Variants in GATB observed in about 807,000 individuals in gnomAD.
The protein encoded by GATB is glutamyl-tRNA(Gln) amidotransferase subunit B, mitochondrial.
GATB carries 39 observed loss-of-function variants against 62.3 expected under a neutral mutation model. The observed-to-expected ratio is 0.63, with a 90% CI of 0.48 to 0.82. GATB has a LOEUF of 0.82. Ranked by LOEUF, GATB falls within the 40% of genes least tolerant of loss-of-function variation. The probability of loss-of-function intolerance (pLI) is 0.00; values close to 1 mark genes in which losing one functional copy is unlikely to be tolerated. For missense variants in GATB, 670 were observed against 684.0 expected (o/e 0.98, Z 0.23); for synonymous variants, 276 against 258.9 (o/e 1.07, Z -0.63).
At chr4:151,692,595 C>T (rs552238191) in intron 9 of GATB, among the ~76,000 whole-genome samples, 1 of 152,276 alleles carries the variant, frequency 6.6e-6, no homozygotes, top group Non-Finnish European at 1.5e-5. Flanking sequence ...GGAAGGAAGA[C>T]AGCTGCACGC....
chr4:151,760,075 C>A (rs1373535414), intron 1 of GATB, among the ~76,000 whole-genome samples: 1 of 152,224 alleles, frequency 6.6e-6, no homozygotes, highest in Non-Finnish European at 1.5e-5. Context: ...CTGAATACTT[C>A]TTTCTGGACA....
intron 9 of GATB, chr4:151,691,605 C>G (rs1039163012): frequency 3.3e-5 from 5 of 152,218 alleles, no homozygotes; most frequent in African/African-American, 1.2e-4. Context: ...CTCAGTCTAC[C>G]CTGCACTAGG....
intron 5 of GATB, 87 bp from the exon 6 acceptor site, chr4:151,708,188 T>G: frequency 5.9e-6 from 5 of 851,238 alleles, no homozygotes; most frequent in South Asian, 4.6e-5. Flanking sequence ...GGAAGCAGCA[T>G]CTAACTCTAC....
chr4:151,740,207 T>C (rs1324316624), intron 2 of GATB, among the ~76,000 whole-genome samples: 1 of 152,208 alleles, frequency 6.6e-6, no homozygotes, highest in Non-Finnish European at 1.5e-5. Flanking sequence ...AACTACACAA[T>C]ATCTTCCTAG....
chr4:151,671,321 C>T lies in GATB; in HGVS notation c.1546-19G>A. On this transcript the variant is annotated intron_variant, in intron 12 of 12. Transcript: ENST00000263985. ...CCATTACCTAGAAGGACAGAAATTA[C>T]TTACTTAAGAGGAGAAAATGAAGGG... is the stretch of plus-strand genomic sequence containing the variant. The T allele has an allele frequency of 6.2e-7, 1 of 1,611,318 alleles. No homozygotes were observed. The highest frequency in any genetic ancestry group is 8.5e-7 in the Non-Finnish European group (1 of 1,177,946).
intron 8 of GATB, among the ~76,000 whole-genome samples, chr4:151,702,151 C>T (rs142315605): frequency 6.6e-6 from 1 of 152,286 alleles, no homozygotes; most frequent in East Asian, 1.9e-4. Flanking sequence ...ACTATGTCTT[C>T]ATAAAGACAC....
At position 151,707,982 on chromosome 4, in the gene GATB, A is replaced by G. The variant is rs374592753; in HGVS notation, c.877+6T>C. 3.2e-6 allele frequency: 5 copies of G among 1,583,830 alleles called. No individual in the cohort carries two copies. In the East Asian group the frequency reaches 1.1e-4, roughly 35 times the overall value. On this transcript the variant is annotated splice_donor_region_variant and intron_variant, in intron 6 of 12. Transcript: ENST00000263985. ...AAGGACACTAGGAGCGGCAGCTGGCATTCACCTATGGCTTTGGCCAGGAAC... is the reference window on the plus strand; with the variant it reads ...AAGGACACTAGGAGCGGCAGCTGGCGTTCACCTATGGCTTTGGCCAGGAAC...
chr4:151,682,244 G>T (rs1738154885), intron 10 of GATB, among the ~76,000 whole-genome samples: 1 of 152,084 alleles, frequency 6.6e-6, no homozygotes, highest in Non-Finnish European at 1.5e-5. Flanking sequence ...TTGTGTCACA[G>T]GCTTCCTCAC....
chr4:151,671,801 C>T (rs6535810), intron 12 of GATB, among the ~76,000 whole-genome samples: 90,203 of 151,952 alleles, frequency 0.59, 29,196 homozygotes, highest in African/African-American at 0.87. Context: ...AGCGCTGGGT[C>T]GGGGGGAGTG....
chr4:151,679,933 T>C, intron 10 of GATB, 42 bp from the exon 11 acceptor site: 1 of 1,556,568 alleles, frequency 6.4e-7, no homozygotes. Context: ...CATTGCACAC[T>C]GTCAGGGCAT....
At chr4:151,752,752 G>GT (rs1739745112) in intron 2 of GATB, among the ~76,000 whole-genome samples, 1 of 152,006 alleles carries the variant, frequency 6.6e-6, no homozygotes, top group African/African-American at 2.4e-5. Context: ...ATTTCCTTTA[G>GT]TTTTCTTTTT....
chr4:151,758,719 C>T, intron 2 of GATB, 53 bp downstream of exon 2: 4 of 1,329,754 alleles, frequency 3.0e-6, no homozygotes, highest in Non-Finnish European at 4.1e-6. Context: ...TTTCCATGTT[C>T]AATATAAAAT....
At chr4:151,682,880 C>T (rs977988055) in intron 10 of GATB, among the ~76,000 whole-genome samples, 4 of 152,130 alleles carry the variant, frequency 2.6e-5, no homozygotes, top group South Asian at 2.1e-4. Flanking sequence ...CCCTAGCTGG[C>T]GTCCCACCAA....
intron 2 of GATB, among the ~76,000 whole-genome samples, chr4:151,728,074 A>G (rs1171347777): frequency 6.6e-6 from 1 of 152,196 alleles, no homozygotes; most frequent in Admixed American, 6.5e-5. Flanking sequence ...TCTCCAGTGG[A>G]CTGGAGACCA....
intron 2 of GATB, among the ~76,000 whole-genome samples, chr4:151,731,483 C>A (rs1348954016): frequency 6.6e-6 from 1 of 152,194 alleles, no homozygotes; most frequent in Non-Finnish European, 1.5e-5. Flanking sequence ...ACCTCCCAGC[C>A]GCCTGCCTTG....
chr4:151,719,830 G>A, intron 2 of GATB: 1 of 283,026 alleles, frequency 3.5e-6, no homozygotes, highest in Non-Finnish European at 6.6e-6. Flanking sequence ...AAGAGTCGCA[G>A]AAAAGCTTAG....
intron 2 of GATB, among the ~76,000 whole-genome samples, chr4:151,745,274 CTG>C (rs1739572477): frequency 6.6e-6 from 1 of 152,162 alleles, no homozygotes; most frequent in African/African-American, 2.4e-5. Flanking sequence ...TCTTCAATTT[CTG>C]TTTCATTTCT....
At chr4:151,677,241 C>T (rs965663581) in intron 11 of GATB, 2 of 152,178 alleles carry the variant, frequency 1.3e-5, no homozygotes, top group African/African-American at 4.8e-5. Context: ...ATCTGTAACA[C>T]ATTTTTCTTT....
Position 151,719,493 on chromosome 4 carries a change from C to T in GATB, c.373G>A (p.Ala125Thr). Residue 125 changes from alanine to threonine, a missense_variant, in exon 3 of 13, where the codon GCT (alanine) becomes ACT (threonine). Transcript: ENST00000263985. ...CVEAAVMTGL[A>T]LNCHINKKSL... ...TTCTTGTTTATGTGGCAGTTCAGAG[C>T]CAGGCCTGTCATCACCGCCGCTTCT... 6.2e-7 allele frequency: 1 copy of T among 1,610,718 alleles called. No individual in the cohort carries two copies.
Sources: allele counts gnomAD v4.1 joint callset (sites outside exome capture counted in the v4.1 genomes callset), GRCh38; gene constraint gnomAD v4.1.1; transcripts MANE v1.5; gene names NCBI Gene and HGNC (gene_info 2026-07-23, HGNC 2026-07-21).